FNBP1L: variants seen among roughly 807,000 people sequenced by gnomAD.
The protein encoded by FNBP1L is formin-binding protein 1-like.
A neutral mutation model predicts 91.2 loss-of-function variants in FNBP1L; 36 were observed. The observed-to-expected ratio is 0.39, with a 90% CI of 0.30 to 0.52. FNBP1L has a LOEUF of 0.52. FNBP1L is among the 20% of genes least tolerant of loss of function. The pLI is 0.66. For synonymous variants in FNBP1L, 242 were observed against 237.0 expected, an observed-to-expected ratio of 1.02 and a Z score of -0.19; for missense variants, 571 against 732.1, an observed-to-expected ratio of 0.78 and a Z score of 2.54.
chr1:93,526,825 TTAGG>T, intron 5 of FNBP1L, among the ~76,000 whole-genome samples: 1 of 152,292 alleles, frequency 6.6e-6, no homozygotes, highest in East Asian at 1.9e-4. Flanking sequence ...CAAGGAATTA[TTAGG>T]TAGGTGTTTT....
chr1:93,509,232 G>T (rs947034770), intron 2 of FNBP1L, among the ~76,000 whole-genome samples: 23 of 152,152 alleles, frequency 1.5e-4, no homozygotes, highest in Non-Finnish European at 2.8e-4. Context: ...TGCAAAGTCA[G>T]CTACAAGTTC....
In FNBP1L at chr1:93,552,472, T is replaced by C; in HGVS notation, c.*56T>C. 3 of 1,604,544 alleles carry C rather than the reference T, an allele frequency of 1.9e-6. No homozygotes were observed. The highest frequency in any genetic ancestry group is 1.1e-5 in the South Asian group (1 of 89,806). ...TGAAGGAGGTTACATGCAGCTGCTTTTGGGGGAGGGTATTAGAGTTGTCAG... is the reference window on the plus strand; with the variant it reads ...TGAAGGAGGTTACATGCAGCTGCTTCTGGGGGAGGGTATTAGAGTTGTCAG... On this transcript the variant is annotated 3_prime_UTR_variant, in exon 17 of 17. Coordinates refer to ENST00000271234, the MANE Select transcript of FNBP1L (RefSeq NM_001164473.3).
chr1:93,519,815 G>A (rs1671262105), intron 2 of FNBP1L, among the ~76,000 whole-genome samples: 1 of 152,174 alleles, frequency 6.6e-6, no homozygotes, highest in South Asian at 2.1e-4. Context: ...TTATTAGTCA[G>A]GCATGATGGT....
intron 1 of FNBP1L, among the ~76,000 whole-genome samples, chr1:93,456,535 C>G (rs1668666933): frequency 6.9e-6 from 1 of 145,244 alleles, no homozygotes; most frequent in Non-Finnish European, 1.5e-5. Context: ...TTTGGGAGAC[C>G]AGGGTGGGTG....
chr1:93,529,140 A>C (rs984590547), intron 5 of FNBP1L, among the ~76,000 whole-genome samples: 1 of 152,076 alleles, frequency 6.6e-6, no homozygotes, highest in Non-Finnish European at 1.5e-5. Context: ...ATGCCAAAAC[A>C]AACCAACTGA....
intron 11 of FNBP1L, among the ~76,000 whole-genome samples, chr1:93,541,965 CT>C (rs900037871): frequency 2.0e-5 from 3 of 151,844 alleles, no homozygotes; most frequent in African/African-American, 7.3e-5. Flanking sequence ...GGCAGATTTA[CT>C]TGTAGGTTAT....
intron 12 of FNBP1L, 104 bp from the exon 13 acceptor site, chr1:93,546,738 A>T: frequency 8.3e-7 from 1 of 1,204,750 alleles, no homozygotes; most frequent in Non-Finnish European, 1.2e-6. Flanking sequence ...ATGTGACTCT[A>T]CTTAAGATTA....
Position 93,551,107 on chromosome 1 carries a change from T to A in FNBP1L, c.1810+2T>A. 6.2e-7 allele frequency: 1 copy of A among 1,602,476 alleles called. No individual in the cohort carries two copies. Among genetic ancestry groups the A allele is most frequent in the Non-Finnish European group, 8.5e-7 (1 of 1,173,752 alleles). ...TAACTCTAGAGAAAAACAGTAAAGG[T>A]GCAGTAACTTATATCTAAACTAACC... On this transcript the variant is annotated splice_donor_variant, in intron 16 of 16. Transcript: ENST00000271234. LOFTEE classifies it high-confidence loss of function.
chr1:93,453,635 T>C (rs1482208804), intron 1 of FNBP1L, among the ~76,000 whole-genome samples: 1 of 152,186 alleles, frequency 6.6e-6, no homozygotes, highest in Non-Finnish European at 1.5e-5. Flanking sequence ...TTTAAACATT[T>C]TCACTTCAAT....
intron 5 of FNBP1L, among the ~76,000 whole-genome samples, chr1:93,528,485 T>C (rs1671563324): frequency 6.6e-6 from 1 of 152,294 alleles, no homozygotes; most frequent in South Asian, 2.1e-4. Flanking sequence ...CAATTAAAAA[T>C]GATGGTAAAT....
chr1:93,516,300 G>T (rs1671110793), intron 2 of FNBP1L, among the ~76,000 whole-genome samples: 1 of 152,106 alleles, frequency 6.6e-6, no homozygotes, highest in Admixed American at 6.5e-5. Flanking sequence ...ATTTGAACCG[G>T]GGACCTCTTG....
chr1:93,454,719 A>G (rs1668600766), intron 1 of FNBP1L, among the ~76,000 whole-genome samples: 1 of 152,034 alleles, frequency 6.6e-6, no homozygotes, highest in African/African-American at 2.4e-5. Context: ...CCAACCATGG[A>G]CTGGAAATAC....
intron 1 of FNBP1L, among the ~76,000 whole-genome samples, chr1:93,461,077 A>G (rs1311673231): frequency 6.6e-6 from 1 of 152,004 alleles, no homozygotes; most frequent in East Asian, 1.9e-4. Context: ...TTCCTCAAGT[A>G]TTTTATGATT....
chr1:93,551,607 A>G, intron 16 of FNBP1L: 2 of 984,974 alleles, frequency 2.0e-6, no homozygotes, highest in Non-Finnish European at 2.4e-6. Flanking sequence ...GTAGTTGGAT[A>G]ATTTAGTAAA....
intron 1 of FNBP1L, among the ~76,000 whole-genome samples, chr1:93,470,648 G>A (rs973733672): frequency 3.9e-5 from 6 of 151,904 alleles, no homozygotes; most frequent in Admixed American, 6.6e-5. Context: ...CGAGGCGGGC[G>A]AATCACCTGA....
intron 1 of FNBP1L, among the ~76,000 whole-genome samples, chr1:93,488,091 A>T (rs747998818): frequency 3.9e-5 from 6 of 152,274 alleles, no homozygotes; most frequent in Non-Finnish European, 8.8e-5. Flanking sequence ...TTTCTTTTAC[A>T]ACCCATGCTC....
chr1:93,531,091 A>C (rs1671662808), intron 7 of FNBP1L, among the ~76,000 whole-genome samples: 1 of 152,192 alleles, frequency 6.6e-6, no homozygotes, highest in Admixed American at 6.5e-5. Context: ...AGTGTTATAA[A>C]CAGTTTACTA....
At chr1:93,472,865 G>C (rs1403683325) in intron 1 of FNBP1L, among the ~76,000 whole-genome samples, 2 of 135,166 alleles carry the variant, frequency 1.5e-5, no homozygotes, top group African/African-American at 2.7e-5. Context: ...CAGTTTGTTA[G>C]TTTACCATAA....
chr1:93,550,709 C>T lies in FNBP1L; in HGVS notation c.1652-238C>T, dbSNP rs562645881. On this transcript the variant is annotated intron_variant, in intron 15 of 16. Coordinates refer to ENST00000271234, the MANE Select transcript of FNBP1L (RefSeq NM_001164473.3). ...TCACTGTGACTCAGTTAACTTCATC[C>T]GTTACATGGGGGTGATGTTATCCAG... Among the ~76,000 whole-genome samples, 31 of 152,228 alleles carry T rather than the reference C, an allele frequency of 2.0e-4. No individual in the cohort carries two copies. The East Asian group carries it at 3.7e-3, about 18-fold the overall frequency.
Sources: allele counts gnomAD v4.1 joint callset (sites outside exome capture counted in the v4.1 genomes callset), GRCh38; gene constraint gnomAD v4.1.1; transcripts MANE v1.5; gene names NCBI Gene and HGNC (gene_info 2026-07-23, HGNC 2026-07-21).